The following CHODL variants were observed in gnomAD, a reference collection of about 807,000 sequenced individuals.
The protein encoded by CHODL is transmembrane protein MT75.
In CHODL, 29 loss-of-function variants were observed where a neutral mutation model predicts 34.5. The observed-to-expected ratio is 0.84, with a 90% confidence interval of 0.63 to 1.15. The LOEUF is 1.15. CHODL is among the 50% of genes most tolerant of loss of function. CHODL has a pLI of 0.00. For missense variants in CHODL, 332 were observed against 332.5 expected, an observed-to-expected ratio of 1.00 and a Z score of 0.01; for synonymous variants, 125 against 116.1, an observed-to-expected ratio of 1.08 and a Z score of -0.49.
intron 2 of CHODL, among the ~76,000 whole-genome samples, chr21:18,119,795 C>T (rs982044876): frequency 2.6e-5 from 4 of 152,004 alleles, no homozygotes; most frequent in African/African-American, 9.7e-5. Flanking sequence ...TTGGAAGGAA[C>T]CTCAAGAATC....
chr21:18,029,268 T>C (rs1302037633), intron 2 of CHODL, among the ~76,000 whole-genome samples: 1 of 152,142 alleles, frequency 6.6e-6, no homozygotes, highest in Admixed American at 6.6e-5. Flanking sequence ...TATATATTGA[T>C]GTGGGGGATG....
intron 2 of CHODL, among the ~76,000 whole-genome samples, chr21:18,074,741 C>A (rs1265973364): frequency 6.6e-6 from 1 of 152,006 alleles, no homozygotes; most frequent in Non-Finnish European, 1.5e-5. Flanking sequence ...TAATCCACTC[C>A]TGGGAAAGAC....
At chr21:18,021,051 C>A (rs2064123161) in intron 1 of CHODL, among the ~76,000 whole-genome samples, 1 of 152,142 alleles carries the variant, frequency 6.6e-6, no homozygotes, top group Admixed American at 6.6e-5. Context: ...ACTGACTTCT[C>A]CACTATAGAC....
chr21:18,003,137 A>C (rs1246591210), intron 1 of CHODL, among the ~76,000 whole-genome samples: 1 of 48,536 alleles, frequency 2.1e-5, no homozygotes, highest in Non-Finnish European at 5.6e-5. Context: ...AAAAAAAAAC[A>C]AAAAAAAAAC....
chr21:18,177,995 T>C (rs1430189623), intron 2 of CHODL, among the ~76,000 whole-genome samples: 1 of 152,150 alleles, frequency 6.6e-6, no homozygotes, highest in Non-Finnish European at 1.5e-5. Flanking sequence ...ATATTTTCAT[T>C]TCCTCTCCAA....
intron 1 of CHODL, among the ~76,000 whole-genome samples, chr21:17,923,611 G>A (rs1261711478): frequency 2.6e-5 from 4 of 152,034 alleles, no homozygotes; most frequent in East Asian, 1.9e-4. Flanking sequence ...ACAGGTGCCC[G>A]CCACTATGTC....
chr21:17,931,394 G>A (rs2063272543), intron 1 of CHODL, among the ~76,000 whole-genome samples: 1 of 152,142 alleles, frequency 6.6e-6, no homozygotes, highest in African/African-American at 2.4e-5. Flanking sequence ...CACTGTCATG[G>A]GGAAAATAAT....
chr21:18,117,594 A>G (rs1362762294), intron 2 of CHODL, among the ~76,000 whole-genome samples: 1 of 123,126 alleles, frequency 8.1e-6, no homozygotes, highest in Non-Finnish European at 1.6e-5. Context: ...TTAATGAACA[A>G]GACTGATTAA....
intron 2 of CHODL, among the ~76,000 whole-genome samples, chr21:18,148,659 C>G (rs2824659): frequency 0.099 from 15,094 of 151,912 alleles, 941 homozygotes; most frequent in African/African-American, 0.18. Flanking sequence ...TGATTCCTTC[C>G]TTATATGAAA....
intron 2 of CHODL, among the ~76,000 whole-genome samples, chr21:18,205,773 G>T (rs979607776): frequency 1.2e-4 from 16 of 133,310 alleles, no homozygotes; most frequent in Non-Finnish European, 2.3e-4. Flanking sequence ...GTCTCACTCT[G>T]TTGCCCAGGC....
chr21:18,098,469 CTT>C (rs2065168748), intron 2 of CHODL, among the ~76,000 whole-genome samples: 1 of 151,950 alleles, frequency 6.6e-6, no homozygotes, highest in Admixed American at 6.6e-5. Flanking sequence ...TGCTCAATTT[CTT>C]TTTAGAGAAA....
chr21:18,257,386 A>T (rs2074330832), intron 3 of CHODL, among the ~76,000 whole-genome samples: 1 of 152,232 alleles, frequency 6.6e-6, no homozygotes, highest in Non-Finnish European at 1.5e-5. Context: ...TCTTACAATA[A>T]AACCAAATAT....
chr21:18,243,943 A>G (rs2074105595), upstream of CHODL, among the ~76,000 whole-genome samples: 1 of 152,206 alleles, frequency 6.6e-6, no homozygotes, highest in Non-Finnish European at 1.5e-5. Context: ...GAAAATACCA[A>G]TTCTACTGAA....
At chr21:18,073,964 AT>A (rs1366628528) in intron 2 of CHODL, among the ~76,000 whole-genome samples, 4 of 152,010 alleles carry the variant, frequency 2.6e-5, no homozygotes, top group African/African-American at 7.2e-5. Flanking sequence ...ATAGAAGGTC[AT>A]TTTTTTTCTT....
chr21:17,962,409 T>G (rs2063538677), intron 1 of CHODL, among the ~76,000 whole-genome samples: 1 of 152,130 alleles, frequency 6.6e-6, no homozygotes, highest in Non-Finnish European at 1.5e-5. Context: ...TGAAAGGCAG[T>G]TTTATCATGA....
intron 4 of CHODL, among the ~76,000 whole-genome samples, chr21:18,262,105 T>A (rs1392849440): frequency 6.6e-6 from 1 of 152,212 alleles, no homozygotes; most frequent in Non-Finnish European, 1.5e-5. Flanking sequence ...AGGTTCTTAA[T>A]GAAAGCTAGT....
intron 1 of CHODL, among the ~76,000 whole-genome samples, chr21:17,966,319 C>T (rs1038942606): frequency 1.1e-4 from 17 of 152,034 alleles, no homozygotes; most frequent in Admixed American, 3.3e-4. Flanking sequence ...CCTGGTTTAA[C>T]GATCAGTTAA....
At chr21:18,016,470 G>T (rs1242936094) in intron 1 of CHODL, among the ~76,000 whole-genome samples, 1 of 152,208 alleles carries the variant, frequency 6.6e-6, no homozygotes, top group African/African-American at 2.4e-5. Flanking sequence ...AAGAAAAAAA[G>T]AATGGTTTCA....
chr21:18,225,217 A>T (rs1043080003), intron 2 of CHODL, among the ~76,000 whole-genome samples: 9 of 152,158 alleles, frequency 5.9e-5, no homozygotes, highest in Admixed American at 4.6e-4. Context: ...AACCATAAGG[A>T]TGCAATTGTT....
Sources: allele counts gnomAD v4.1 joint callset (sites outside exome capture counted in the v4.1 genomes callset), GRCh38; gene constraint gnomAD v4.1.1; transcripts MANE v1.5; gene names NCBI Gene and HGNC (gene_info 2026-07-23, HGNC 2026-07-21).